Variants in SDK1 observed in about 807,000 individuals in gnomAD.
The protein encoded by SDK1 is sidekick cell adhesion molecule 1.
In SDK1, 157 loss-of-function variants were observed where a neutral mutation model predicts 245.5. That is an observed-to-expected ratio of 0.64 (90% CI 0.56 to 0.73). The LOEUF (loss-of-function observed/expected upper bound fraction) is 0.73, where lower values mean the gene tolerates loss of function less well. Among genes scored for constraint, SDK1 ranks in the 30% least tolerant of loss-of-function variants. SDK1 has a pLI of 0.00. For missense variants in SDK1, 3,583 were observed against 3,002.3 expected, an observed-to-expected ratio of 1.19 and a Z score of -4.52; for synonymous variants, 1,647 against 1,278.5, an observed-to-expected ratio of 1.29 and a Z score of -6.15.
chr7:4,133,031 T>C (rs1351535825), intron 28 of SDK1, among the ~76,000 whole-genome samples: 1 of 152,202 alleles, frequency 6.6e-6, no homozygotes, highest in East Asian at 1.9e-4. Flanking sequence ...CAGGCTATGT[T>C]GATGTGTGTT....
rs149080167 is a variant in SDK1, at chr7:4,075,413, T to C, written c.3011-1585T>C. ...TGCAAGTGCAACTCCTAGCTTTATT[T>C]ATTGCTTTCATCAGAATGAGGAGGA... On this transcript the variant is annotated intron_variant, in intron 20 of 44. Coordinates refer to ENST00000404826, the MANE Select transcript of SDK1 (RefSeq NM_152744.4). Among the ~76,000 whole-genome samples, 55 of 152,272 alleles carry C rather than the reference T, an allele frequency of 3.6e-4. No homozygotes were observed. The East Asian group carries it at 9.5e-3, about 26-fold the overall frequency.
intron 1 of SDK1, among the ~76,000 whole-genome samples, chr7:3,349,155 C>G (rs1274919052): frequency 5.3e-5 from 8 of 151,612 alleles, no homozygotes; most frequent in African/African-American, 1.9e-4. Flanking sequence ...TCCTCAGTCC[C>G]CCATTGCCTT....
chr7:3,987,344 T>C (rs1391052352), intron 14 of SDK1, 22 bp downstream of exon 14: 1 of 1,612,046 alleles, frequency 6.2e-7, no homozygotes, highest in East Asian at 2.2e-5. Context: ...AATGAAACTG[T>C]CACCATGGAC....
At chr7:4,199,773 A>T (rs1338959943) in intron 35 of SDK1, among the ~76,000 whole-genome samples, 1 of 151,920 alleles carries the variant, frequency 6.6e-6, no homozygotes, top group Non-Finnish European at 1.5e-5. Flanking sequence ...CTCTCCACAC[A>T]TCCCTGTGCT....
rs1782264207 is a variant in SDK1, at chr7:4,177,124, G to A, written c.4996+1290G>A. On this transcript the variant is annotated intron_variant, in intron 34 of 44. Coordinates refer to ENST00000404826, the MANE Select transcript of SDK1 (RefSeq NM_152744.4). ...CAGGGCAGCACAGCTCCAACATGTT[G>A]AGATACTGACTCCATAGCATGGGTG... Among the ~76,000 whole-genome samples the A allele has an allele frequency of 2.0e-5, 3 of 152,342 alleles. No homozygotes were observed. In the South Asian group the frequency reaches 6.2e-4, roughly 32 times the overall value.
intron 4 of SDK1, among the ~76,000 whole-genome samples, chr7:3,722,257 C>G (rs1032562770): frequency 1.4e-4 from 22 of 152,118 alleles, no homozygotes; most frequent in African/African-American, 5.3e-4. Context: ...GAAGGGGAGA[C>G]TCGGAGACCA....
chr7:4,008,495 C>A (rs142851883), intron 14 of SDK1, among the ~76,000 whole-genome samples: 2 of 152,026 alleles, frequency 1.3e-5, no homozygotes, highest in Non-Finnish European at 2.9e-5. Flanking sequence ...CCCCATTGGC[C>A]GGGGTCGGGT....
At chr7:3,369,431 A>T (rs1162643304) in intron 1 of SDK1, among the ~76,000 whole-genome samples, 1 of 151,616 alleles carries the variant, frequency 6.6e-6, no homozygotes, top group Non-Finnish European at 1.5e-5. Context: ...TGTAGATGTG[A>T]CAGAGATTAT....
intron 5 of SDK1, among the ~76,000 whole-genome samples, chr7:3,922,570 C>T (rs1235687647): frequency 6.6e-6 from 1 of 152,146 alleles, no homozygotes; most frequent in Non-Finnish European, 1.5e-5. Flanking sequence ...ATTAACATTC[C>T]GTAGATGTTA....
chr7:4,156,319 C>T (rs1424704161), intron 30 of SDK1, among the ~76,000 whole-genome samples: 3 of 152,188 alleles, frequency 2.0e-5, no homozygotes, highest in Non-Finnish European at 4.4e-5. Context: ...ATGCCAGGAA[C>T]AGAGGGGAAA....
chr7:3,512,735 T>G (rs1782623733), intron 1 of SDK1, among the ~76,000 whole-genome samples: 1 of 152,230 alleles, frequency 6.6e-6, no homozygotes, highest in Non-Finnish European at 1.5e-5. Context: ...TTTAAAGGTA[T>G]TATTTCCTTC....
In SDK1 at chr7:3,516,563, T is replaced by C. The variant is rs192546296; in HGVS notation, c.299-102517T>C. On this transcript the variant is annotated intron_variant, in intron 1 of 44. Transcript: ENST00000404826. Reference sequence around the variant, plus strand: ...ATTCTCCTGATTACTAAATGAAATATTTTTAGAGCTTCCATGACCTCTTAA... The same window carrying C: ...ATTCTCCTGATTACTAAATGAAATACTTTTAGAGCTTCCATGACCTCTTAA... 9.5e-4 allele frequency among the ~76,000 whole-genome samples: 144 copies of C among 152,264 alleles called. No homozygotes were observed. The East Asian group carries it at 0.015, about 16-fold the overall frequency.
At chr7:3,509,599 T>C (rs1782509981) in intron 1 of SDK1, among the ~76,000 whole-genome samples, 1 of 152,174 alleles carries the variant, frequency 6.6e-6, no homozygotes, top group Non-Finnish European at 1.5e-5. Flanking sequence ...TGTTACGAAG[T>C]GTCCCTCCAG....
intron 7 of SDK1, among the ~76,000 whole-genome samples, chr7:3,954,652 C>A (rs540131638): frequency 2.1e-5 from 3 of 143,524 alleles, no homozygotes; most frequent in Middle Eastern, 3.4e-3. Flanking sequence ...ACACCCTCCG[C>A]TTCCGTCCCA....
intron 4 of SDK1, among the ~76,000 whole-genome samples, chr7:3,710,491 G>A (rs1364209254): frequency 1.3e-5 from 2 of 152,186 alleles, no homozygotes; most frequent in African/African-American, 2.4e-5. Flanking sequence ...TTCTACTTTT[G>A]ATATAGAAAC....
At chr7:3,491,010 G>A (rs1297254169) in intron 1 of SDK1, among the ~76,000 whole-genome samples, 1 of 152,210 alleles carries the variant, frequency 6.6e-6, no homozygotes, top group East Asian at 1.9e-4. Context: ...CACCTTGCCT[G>A]TGCCATGTGC....
At chr7:3,871,868 C>T (rs952746285) in intron 5 of SDK1, among the ~76,000 whole-genome samples, 1 of 152,150 alleles carries the variant, frequency 6.6e-6, no homozygotes, top group African/African-American at 2.4e-5. Flanking sequence ...GAAAAAACCA[C>T]CTCTCCTTAT....
chr7:3,306,820 G>T (rs1016414225), intron 1 of SDK1, among the ~76,000 whole-genome samples: 4 of 152,162 alleles, frequency 2.6e-5, no homozygotes, highest in African/African-American at 9.7e-5. Flanking sequence ...CTTTCTGCCT[G>T]CCTGCCTTAC....
At chr7:3,930,978 C>T (rs991312016) in intron 5 of SDK1, among the ~76,000 whole-genome samples, 6 of 152,194 alleles carry the variant, frequency 3.9e-5, no homozygotes, top group African/African-American at 1.2e-4. Flanking sequence ...GATTTTTGCA[C>T]ATCTTGCTGA....
Sources: allele counts gnomAD v4.1 joint callset (sites outside exome capture counted in the v4.1 genomes callset), GRCh38; gene constraint gnomAD v4.1.1; transcripts MANE v1.5; gene names NCBI Gene and HGNC (gene_info 2026-07-23, HGNC 2026-07-21).